NEMP1: variants seen among roughly 807,000 people sequenced by gnomAD.
NEMP1 encodes transmembrane protein 194.
NEMP1 carries 29 observed loss-of-function variants against 53.7 expected under a neutral mutation model. The ratio of observed to expected loss-of-function variants is 0.54; its 90% CI spans 0.40 to 0.74. The LOEUF is 0.74. Ranked by LOEUF, NEMP1 falls within the 30% of genes least tolerant of loss-of-function variation. The pLI, the probability that NEMP1 is intolerant of heterozygous loss-of-function variation, is 0.00. For synonymous variants in NEMP1, 193 were observed against 192.9 expected (o/e 1.00, Z 0.00); for missense variants, 477 against 528.6 (o/e 0.90, Z 0.96).
rs995607106 is a variant in NEMP1 at position 57,063,450 on chromosome 12, G to A, written c.755-106C>T. 7 of 813,914 alleles carry A rather than the reference G, an allele frequency of 8.6e-6. No individual in the cohort carries two copies. In the Admixed American group the frequency reaches 1.2e-4, roughly 14 times the overall value. 50.4% of individuals were successfully genotyped at this position (813,914 alleles called of 1,614,324 possible). A position where few individuals can be genotyped will look rare whatever the true frequency, so the allele number is the denominator to read the frequency against. On this transcript the variant is annotated intron_variant, in intron 6 of 8. Transcript: ENST00000300128. The stretch of plus-strand genomic sequence containing the variant: ...TACTATATAGCACCAATTGAACTAG[G>A]AAATCAGATTTTTACTTAATTTTTC...
chr12:57,066,899 T>C (rs841828), intron 4 of NEMP1, among the ~76,000 whole-genome samples: 113,893 of 152,174 alleles, frequency 0.75, 42,851 homozygotes, highest in African/African-American at 0.78. Flanking sequence ...TCTTGCCTGC[T>C]GCCATGTAAG....
intron 4 of NEMP1, among the ~76,000 whole-genome samples, chr12:57,068,064 A>G (rs2032176592): frequency 1.3e-5 from 2 of 150,546 alleles, no homozygotes; most frequent in Non-Finnish European, 3.0e-5. Flanking sequence ...AGCCACCACA[A>G]CCAGCCCCCC....
rs947551484 is a variant in NEMP1 at position 57,058,121 on chromosome 12, G to C, written c.*1758C>G. 4 of 152,110 alleles carry C rather than the reference G, an allele frequency of 2.6e-5. No individual in the cohort carries two copies. The highest frequency in any genetic ancestry group is 9.7e-5 in the African/African-American group (4 of 41,414). 9.4% of individuals were successfully genotyped at this position (152,110 alleles called of 1,614,324 possible). The stretch of plus-strand genomic sequence containing the variant: ...AACCCATAGCATCTGCCCAAATACT[G>C]CTCATTTTTCACTTTCTACTATATG... On this transcript the variant is annotated 3_prime_UTR_variant, in exon 9 of 9. Transcript: ENST00000300128.
chr12:57,072,897 T>C lies in NEMP1; in HGVS notation c.143A>G (p.Asn48Ser). The change falls in exon 2 of 9, where the codon AAT becomes AGT. Residue 48 changes from asparagine to serine, a missense_variant. Physicochemically the swap from Asn to Ser is conservative, Grantham distance 46. Transcript: ENST00000300128. ...TTGGGATTCCTGAAGCATGACCACA[T>C]TTACATCAGTTTCAGCTTTATGCAA... is the stretch of plus-strand genomic sequence containing the variant. Reference protein sequence around the residue: ...LVYGTAETDVNVVMLQESQVC... With the variant: ...LVYGTAETDVSVVMLQESQVC... 1 of 1,611,944 alleles carries C rather than the reference T, an allele frequency of 6.2e-7. No individual in the cohort carries two copies.
chr12:57,073,070 A>G (rs1309344939), intron 1 of NEMP1, among the ~76,000 whole-genome samples, 158 bp from the exon 2 acceptor site: 1 of 152,232 alleles, frequency 6.6e-6, no homozygotes, highest in Non-Finnish European at 1.5e-5. Flanking sequence ...GGAAGAACTA[A>G]GGCAGAATCT....
intron 1 of NEMP1, among the ~76,000 whole-genome samples, chr12:57,075,431 A>ATAGT (rs1333539901): frequency 7.2e-6 from 1 of 137,970 alleles, no homozygotes; most frequent in East Asian, 2.0e-4. Context: ...AAATAAATAA[A>ATAGT]TAGTTGGGAG....
intron 8 of NEMP1, 31 bp downstream of exon 8, chr12:57,060,741 A>G (rs2031759125): frequency 6.3e-7 from 1 of 1,598,216 alleles, no homozygotes; most frequent in East Asian, 2.2e-5. Context: ...AATTACCCTG[A>G]TAGATGCTTG....
chr12:57,078,209 G>C (rs1310996991), intron 1 of NEMP1, among the ~76,000 whole-genome samples: 1 of 152,168 alleles, frequency 6.6e-6, no homozygotes, highest in African/African-American at 2.4e-5. Context: ...CGCTCAGATG[G>C]TGTTTGCTGA....
Position 57,070,857 on chromosome 12 carries a change from G to A in NEMP1, c.289C>T (p.Gln97Ter), listed in dbSNP as rs1460980749. Reference sequence around the variant, plus strand: ...TTCAGTTTCTCCTCATTCTCCACCTGGGTGACTCGAACCAATCTGGAACTA... The same window carrying A: ...TTCAGTTTCTCCTCATTCTCCACCTAGGTGACTCGAACCAATCTGGAACTA... ...VNSSRLVRVT[Q>*]VENEEKLKEL... is the part of the protein sequence containing the mutation. Residue 97 changes from glutamine (Q) to a stop codon, truncating the protein, a stop_gained, in exon 3 of 9, where the codon CAG (glutamine) becomes TAG (stop). Coordinates refer to ENST00000300128, the MANE Select transcript of NEMP1 (RefSeq NM_001130963.2). LOFTEE classifies it high-confidence loss of function. The A allele has an allele frequency of 3.7e-6, 6 of 1,613,938 alleles. No individual in the cohort carries two copies. The highest frequency in any genetic ancestry group is 5.1e-6 in the Non-Finnish European group (6 of 1,180,002).
At chr12:57,086,202 G>C (rs2032987077) in intron 1 of NEMP1, among the ~76,000 whole-genome samples, 1 of 152,312 alleles carries the variant, frequency 6.6e-6, no homozygotes. Context: ...CGTGCGCGTA[G>C]GGACGACAGT....
intron 1 of NEMP1, among the ~76,000 whole-genome samples, chr12:57,077,330 T>TAA (rs769555548): frequency 5.6e-5 from 6 of 106,542 alleles, no homozygotes; most frequent in Admixed American, 9.7e-5. Context: ...AGACTCTGTT[T>TAA]AAAAAAAAAA....
In NEMP1 at chr12:57,072,835, T is replaced by C. The variant is rs1455553610; in HGVS notation, c.205A>G (p.Thr69Ala). Residue 69 changes from threonine to alanine, a missense_variant, in exon 2 of 9, where the codon ACA (threonine) becomes GCA (alanine). Coordinates refer to ENST00000300128, the MANE Select transcript of NEMP1 (RefSeq NM_001130963.2). ...EKRASQQFCY[T>A]NVLIPKWHDI... ...TGCCATTTTGGGATAAGCACATTTGTGTAACAGAATTGTTGGCTGGCACGC... is the reference window on the plus strand; with the variant it reads ...TGCCATTTTGGGATAAGCACATTTGCGTAACAGAATTGTTGGCTGGCACGC... 2 of 1,613,696 alleles carry C rather than the reference T, an allele frequency of 1.2e-6. No homozygotes were observed. Among genetic ancestry groups the C allele is most frequent in the Admixed American group, 1.7e-5 (1 of 59,930 alleles).
chr12:57,068,208 T>G (rs1458221553), intron 4 of NEMP1, among the ~76,000 whole-genome samples: 1 of 152,178 alleles, frequency 6.6e-6, no homozygotes, highest in Non-Finnish European at 1.5e-5. Context: ...CCACAAATAC[T>G]TTTTACTTGT....
intron 1 of NEMP1, among the ~76,000 whole-genome samples, chr12:57,073,954 AG>A (rs1196500170): frequency 6.6e-6 from 1 of 151,766 alleles, no homozygotes; most frequent in East Asian, 1.9e-4. Flanking sequence ...CAGAATTGGC[AG>A]GTTTTTTATT....
At chr12:57,064,245 A>C (rs188586962) in intron 5 of NEMP1, 60 bp from the exon 6 acceptor site, 48 of 1,060,430 alleles carry the variant, frequency 4.5e-5, no homozygotes, top group East Asian at 1.8e-4. Context: ...TACATAAAAG[A>C]AGCAAAATGG....
At chr12:57,067,926 T>C (rs181639506) in intron 4 of NEMP1, among the ~76,000 whole-genome samples, 3 of 152,196 alleles carry the variant, frequency 2.0e-5, no homozygotes, top group East Asian at 1.9e-4. Flanking sequence ...TGCACAACCA[T>C]GCCTGGCTAA....
rs1430395357 is a variant in NEMP1, at chr12:57,058,328, C to T, written c.*1551G>A. The T allele has an allele frequency of 6.6e-6, 1 of 152,174 alleles. No individual in the cohort carries two copies. Among genetic ancestry groups the T allele is most frequent in the Non-Finnish European group, 1.5e-5 (1 of 68,038 alleles). The allele number at this position is 152,174 out of a possible 1,614,324, so 9.4% of individuals were successfully genotyped here. ...AATGGCTGGTCTAAAGGAGTCATTA[C>T]GGCTTTTTAAAAAATCATCTGCCTT... On this transcript the variant is annotated 3_prime_UTR_variant, in exon 9 of 9. Coordinates refer to ENST00000300128, the MANE Select transcript of NEMP1 (RefSeq NM_001130963.2).
At chr12:57,082,684 C>G (rs569209805), upstream of NEMP1, among the ~76,000 whole-genome samples, 68 of 152,118 alleles carry the variant, frequency 4.5e-4, no homozygotes, top group South Asian at 0.014. Flanking sequence ...TGCACTCCAC[C>G]CTGGGTGACA....
intron 1 of NEMP1, among the ~76,000 whole-genome samples, chr12:57,073,262 T>C (rs1216244962): frequency 1.3e-5 from 2 of 151,934 alleles, no homozygotes; most frequent in Admixed American, 1.3e-4. Context: ...GTTCACGCCA[T>C]TCTCCTGCCT....
Sources: gnomAD v4.1 joint callset for allele counts (sites outside exome capture counted in the v4.1 genomes callset) on GRCh38, gnomAD v4.1.1 for gene constraint, MANE v1.5 for transcripts, NCBI Gene and HGNC (gene_info 2026-07-23, HGNC 2026-07-21) for gene names.